KPNA2: variants seen among roughly 807,000 people sequenced by gnomAD.
KPNA2 encodes karyopherin subunit alpha 2.
KPNA2 carries 20 observed loss-of-function variants against 53.7 expected under a neutral mutation model. The ratio of observed to expected loss-of-function variants is 0.37; its 90% CI spans 0.26 to 0.54. The LOEUF (loss-of-function observed/expected upper bound fraction) is 0.54. KPNA2 is among the 20% of genes least tolerant of loss of function. The pLI, the probability that KPNA2 is intolerant of heterozygous loss-of-function variation, is 0.83. For missense variants in KPNA2, 515 were observed against 640.3 expected (o/e 0.80, Z 2.11); for synonymous variants, 238 against 227.5 (o/e 1.05, Z -0.42).
In KPNA2 at chr17:68,037,504, T is replaced by C; in HGVS notation, c.213+9T>C. 2 of 1,608,888 alleles carry C rather than the reference T, an allele frequency of 1.2e-6. No homozygotes were observed. The highest frequency in any genetic ancestry group is 2.7e-5 in the African/African-American group (2 of 74,788). On this transcript the variant is annotated intron_variant, in intron 3 of 10. Transcript: ENST00000330459. Reference sequence around the variant, plus strand: ...AAAACCGCAACAACCAGGTAAAAAATGTATTTTAGTTTATGAGTTACGTGA... The same window carrying C: ...AAAACCGCAACAACCAGGTAAAAAACGTATTTTAGTTTATGAGTTACGTGA...
chr17:68,036,529 T>A (rs941488912), intron 1 of KPNA2: 1 of 152,350 alleles, frequency 6.6e-6, no homozygotes, highest in Non-Finnish European at 1.5e-5. Context: ...GGATCTGAAT[T>A]TATTGCCCTG....
At chr17:68,046,441 CAGGT>C (rs1261667700) in intron 10 of KPNA2, 59 bp from the exon 11 acceptor site, 2 of 975,850 alleles carry the variant, frequency 2.0e-6, no homozygotes, top group Non-Finnish European at 3.2e-6. Flanking sequence ...ATACAGACTT[CAGGT>C]AGGCTGCTGC....
At chr17:68,045,967 T>C in intron 10 of KPNA2, 46 bp downstream of exon 10, 1 of 1,301,594 alleles carries the variant, frequency 7.7e-7, no homozygotes, top group Admixed American at 2.4e-5. Flanking sequence ...AAACATAAAG[T>C]CAAGGCCATA....
chr17:68,036,789 A>G (rs1199660673), intron 1 of KPNA2, among the ~76,000 whole-genome samples: 1 of 152,234 alleles, frequency 6.6e-6, no homozygotes, highest in African/African-American at 2.4e-5. Context: ...ATGTTGGGTT[A>G]AGTAAAATAC....
In KPNA2 at chr17:68,042,911, G is replaced by A; in HGVS notation, c.578G>A (p.Gly193Asp). Reference protein sequence around the residue: ...VWALGNIAGDGSVFRDLVIKY... With the variant: ...VWALGNIAGDDSVFRDLVIKY... ...ATCTTGCCTTTTTTTTCAGGTGATG[G>A]CTCAGTGTTCCGAGACTTGGTTATT... is the stretch of plus-strand genomic sequence containing the variant. The change falls in exon 6 of 11, where the codon GGC (glycine) becomes GAC (aspartate). Residue 193 changes from glycine to aspartate, a missense_variant. Transcript: ENST00000330459. The A allele has an allele frequency of 6.2e-7, 1 of 1,609,116 alleles. No individual in the cohort carries two copies. Among genetic ancestry groups the A allele is most frequent in the Admixed American group, 1.7e-5 (1 of 59,550 alleles).
chr17:68,044,188 T>TA lies in KPNA2; in HGVS notation c.1164+118dup, dbSNP rs1490788886. The TA allele has an allele frequency of 4.8e-6, 6 of 1,246,954 alleles. No homozygotes were observed. In the Admixed American group the frequency reaches 7.5e-5, roughly 16 times the overall value. 77.2% of individuals were successfully genotyped at this position (1,246,954 alleles called of 1,614,324 possible). On this transcript the variant is annotated intron_variant, in intron 8 of 10. Coordinates refer to ENST00000330459, the MANE Select transcript of KPNA2 (RefSeq NM_002266.4). ...CTACTAGGAGTCCTTTGCTGAACAA[T>TA]ACCCAGTAACCCCTTTTACTTAAGG...
At position 68,037,499 on chromosome 17, in the gene KPNA2, A is replaced by G. The variant is rs1555703952; in HGVS notation, c.213+4A>G. On this transcript the variant is annotated splice_donor_region_variant and intron_variant, in intron 3 of 10. Transcript: ENST00000330459. ...GCAGGAAAACCGCAACAACCAGGTA[A>G]AAAATGTATTTTAGTTTATGAGTTA... The G allele has an allele frequency of 1.9e-6, 3 of 1,610,596 alleles. No homozygotes were observed. Among genetic ancestry groups the G allele is most frequent in the Admixed American group, 3.4e-5 (2 of 59,056 alleles).
At chr17:68,040,017 T>A (rs138510552) in intron 3 of KPNA2, among the ~76,000 whole-genome samples, 7,209 of 148,098 alleles carry the variant, frequency 0.049, 183 homozygotes, top group South Asian at 0.12. Flanking sequence ...GAGGCGGAGG[T>A]GGTGGTGAGC....
intron 5 of KPNA2, among the ~76,000 whole-genome samples, chr17:68,042,687 C>T (rs1555704736): frequency 1.3e-5 from 2 of 151,934 alleles, no homozygotes; most frequent in Non-Finnish European, 2.9e-5. Flanking sequence ...TTGAGACCAT[C>T]CTGGCTAACA....
At chr17:68,040,897 T>C (rs2071252723) in intron 4 of KPNA2, 131 bp downstream of exon 4, 2 of 582,516 alleles carry the variant, frequency 3.4e-6, no homozygotes, top group Non-Finnish European at 6.1e-6. Flanking sequence ...ATAAGCCAAA[T>C]AGTATTTTTT....
intron 3 of KPNA2, among the ~76,000 whole-genome samples, chr17:68,040,387 G>T (rs547831249): frequency 5.8e-4 from 87 of 151,100 alleles, no homozygotes; most frequent in African/African-American, 1.8e-3. Flanking sequence ...GAGCCACCAT[G>T]CCTGTCCTTC....
intron 9 of KPNA2, 166 bp from the exon 10 acceptor site, chr17:68,045,606 A>G (rs1460519679): frequency 3.7e-6 from 2 of 542,422 alleles, no homozygotes; most frequent in Non-Finnish European, 6.4e-6. Flanking sequence ...AATCACATTG[A>G]GTGTCAACAA....
chr17:68,045,724 A>T (rs2071320209), intron 9 of KPNA2, 48 bp from the exon 10 acceptor site: 2 of 1,392,012 alleles, frequency 1.4e-6, no homozygotes, highest in African/African-American at 2.9e-5. Context: ...CTTCATTAAA[A>T]TAAAACCAGA....
In KPNA2 at chr17:68,040,740, T is replaced by C. The variant is rs372403592; in HGVS notation, c.276T>C (p.Asn92=). The C allele has an allele frequency of 1.2e-5, 20 of 1,612,262 alleles. No homozygotes were observed. The highest frequency in any genetic ancestry group is 1.6e-5 in the Non-Finnish European group (19 of 1,178,920). Residue 92 remains asparagine (N), a synonymous_variant, in exon 4 of 11, where the codon AAT becomes AAC. Coordinates refer to ENST00000330459, the MANE Select transcript of KPNA2 (RefSeq NM_002266.4). The part of the protein sequence containing the change: ...VKGINSSNVE[N]QLQATQAARK... The stretch of plus-strand genomic sequence containing the variant: ...GCATAAATAGCAGCAATGTGGAAAA[T>C]CAGCTCCAAGCTACTCAAGCTGCCA...
chr17:68,037,283 T>C, intron 2 of KPNA2, 75 bp from the exon 3 acceptor site: 2 of 1,577,802 alleles, frequency 1.3e-6, no homozygotes, highest in Non-Finnish European at 1.7e-6. Flanking sequence ...AACTGAGGTA[T>C]TTAAAAAAAA....
At chr17:68,038,407 G>A (rs187804980) in intron 3 of KPNA2, among the ~76,000 whole-genome samples, 13 of 152,186 alleles carry the variant, frequency 8.5e-5, no homozygotes, top group African/African-American at 2.9e-4. Context: ...GGCCCTTCCC[G>A]TTTTTGGTTT....
Position 68,044,375 on chromosome 17 carries a change from G to A in KPNA2, c.1219G>A (p.Gly407Ser). The A allele has an allele frequency of 1.9e-6, 3 of 1,614,042 alleles. No individual in the cohort carries two copies. The South Asian group carries it at 3.3e-5, about 18-fold the overall frequency. Residue 407 changes from glycine to serine, a missense_variant, in exon 9 of 11, where the codon GGT becomes AGT. Gly to Ser is a moderately conservative substitution (Grantham distance 56). Transcript: ENST00000330459. ...AVWAVTNYTS[G>S]GTVEQIVYLV... ...GTGGGCCGTGACCAACTATACCAGT[G>A]GTGGAACAGTTGAACAGATTGTGTA...
chr17:68,043,787 TA>T, intron 7 of KPNA2, 50 bp from the exon 8 acceptor site: 2 of 1,198,982 alleles, frequency 1.7e-6, no homozygotes, highest in Non-Finnish European at 2.5e-6. Context: ...ATAGAATTTC[TA>T]AAGTGCTGGG....
chr17:68,044,454 A>G lies in KPNA2; in HGVS notation c.1298A>G (p.Asp433Gly). Residue 433 changes from aspartate (D) to glycine (G), a missense_variant, in exon 9 of 11, where the codon GAT (aspartate) becomes GGT (glycine). Physicochemically the swap from Asp to Gly is moderately conservative, Grantham distance 94. Transcript: ENST00000330459. ...TTGATGAACCTCTTAACTGCAAAAG[A>G]TACCAAGATTATTCTGGTTATCCTG... ...EPLMNLLTAK[D>G]TKIILVILDA... 1 of 1,614,174 alleles carries G rather than the reference A, an allele frequency of 6.2e-7. No homozygotes were observed. The highest frequency in any genetic ancestry group is 1.1e-5 in the South Asian group (1 of 91,086).
Sources: gnomAD v4.1 joint callset for allele counts (sites outside exome capture counted in the v4.1 genomes callset) on GRCh38, gnomAD v4.1.1 for gene constraint, MANE v1.5 for transcripts, NCBI Gene and HGNC (gene_info 2026-07-23, HGNC 2026-07-21) for gene names.